MPPE1: variants seen among roughly 807,000 people sequenced by gnomAD.
MPPE1 encodes the protein metallo phosphoesterase.
A neutral mutation model predicts 43.8 loss-of-function variants in MPPE1; 28 were observed. That is an observed-to-expected ratio of 0.64 (90% CI 0.47 to 0.88). The LOEUF is 0.88. Among genes scored for constraint, MPPE1 ranks in the 40% least tolerant of loss-of-function variants. The pLI is 0.00. For synonymous variants in MPPE1, 159 were observed against 188.5 expected, an observed-to-expected ratio of 0.84 and a Z score of 1.28; for missense variants, 428 against 492.2, an observed-to-expected ratio of 0.87 and a Z score of 1.23.
intron 2 of MPPE1, among the ~76,000 whole-genome samples, chr18:11,904,319 ATTTATTTT>A (rs2039495968): frequency 2.5e-5 from 2 of 79,712 alleles, no homozygotes; most frequent in African/African-American, 1.2e-4. Context: ...TTATTTATTT[ATTTATTTT>A]TTTTTGAGAC....
At chr18:11,900,722 A>G (rs555837799) in intron 2 of MPPE1, among the ~76,000 whole-genome samples, 339 of 151,964 alleles carry the variant, frequency 2.2e-3, no homozygotes, top group African/African-American at 7.6e-3. Context: ...CCTGGCTAAC[A>G]CGGTGAAACC....
intron 2 of MPPE1, among the ~76,000 whole-genome samples, chr18:11,899,201 C>T (rs1240039327): frequency 6.6e-6 from 1 of 152,188 alleles, no homozygotes; most frequent in African/African-American, 2.4e-5. Context: ...AGGCATGAGC[C>T]ACCGTGCCCA....
chr18:11,902,600 G>A (rs1266348064), intron 2 of MPPE1: 3 of 152,158 alleles, frequency 2.0e-5, no homozygotes, highest in Admixed American at 6.5e-5. Context: ...GGGGCAGGCT[G>A]AGGAGTCTTC....
intron 2 of MPPE1, 70 bp from the exon 3 acceptor site, chr18:11,897,426 G>T: frequency 1.6e-6 from 1 of 632,886 alleles, no homozygotes; most frequent in Non-Finnish European, 2.8e-6. Flanking sequence ...CCTCTATTAA[G>T]AACTAATGAG....
At chr18:11,901,171 G>C (rs2039157991) in intron 2 of MPPE1, among the ~76,000 whole-genome samples, 1 of 152,048 alleles carries the variant, frequency 6.6e-6, no homozygotes, top group African/African-American at 2.4e-5. Context: ...ATTGGGGACT[G>C]TCATTCCTCT....
chr18:11,893,352 G>T, intron 4 of MPPE1, 116 bp downstream of exon 4: 1 of 662,940 alleles, frequency 1.5e-6, no homozygotes, highest in Non-Finnish European at 2.7e-6. Context: ...AATATCAGTA[G>T]TAAGTACAAC....
chr18:11,885,674 A>T lies in MPPE1; in HGVS notation c.1008+2T>A. 1 of 1,611,494 alleles carries T rather than the reference A, an allele frequency of 6.2e-7. No homozygotes were observed. ...TCAGACAAAAATAAACTTTCACGTT[A>T]CCATGATGAAACTGGGGTTGTTTCT... On this transcript the variant is annotated splice_donor_variant, in intron 10 of 10. Transcript: ENST00000588072. LOFTEE classifies it high-confidence loss of function.
chr18:11,893,636 G>GT, intron 3 of MPPE1, 60 bp from the exon 4 acceptor site: 4 of 1,349,734 alleles, frequency 3.0e-6, no homozygotes, highest in Non-Finnish European at 4.2e-6. Flanking sequence ...GGCTACTTCT[G>GT]TATTATGCAC....
intron 2 of MPPE1, chr18:11,905,557 C>T (rs980964480): frequency 2.0e-5 from 3 of 152,200 alleles, no homozygotes; most frequent in African/African-American, 7.2e-5. Flanking sequence ...TGAGGCTTCA[C>T]TCCTACCGGA....
chr18:11,907,798 C>G (rs2039868538), intron 1 of MPPE1: 1 of 151,994 alleles, frequency 6.6e-6, no homozygotes. Flanking sequence ...CAGGCCTAAG[C>G]AACGGCACCC....
chr18:11,894,182 A>T (rs1234218226), intron 3 of MPPE1, among the ~76,000 whole-genome samples: 2 of 152,156 alleles, frequency 1.3e-5, no homozygotes, highest in African/African-American at 4.8e-5. Context: ...TAATCCCAGC[A>T]CTTTGGGAGG....
rs746910403 is a variant in MPPE1 at position 11,886,901 on chromosome 18, T to C, written c.678+16A>G. 1.1e-5 allele frequency: 18 copies of C among 1,603,290 alleles called. No individual in the cohort carries two copies. The highest frequency in any genetic ancestry group is 1.5e-5 in the Non-Finnish European group (18 of 1,171,838). ...ACGGGACAGAAGGCACCTGTGGCAT[T>C]CAGATGCTCTCCTACCTCTCGGGAG... On this transcript the variant is annotated intron_variant, in intron 7 of 10. Transcript: ENST00000588072. This position sits in a 1 kb window ranked among gnomAD's most constrained non-coding sequence, Gnocchi z 4.1.
rs1182146639 is a variant in MPPE1, at chr18:11,883,399, A to C, written c.*1046T>G. On this transcript the variant is annotated 3_prime_UTR_variant, in exon 11 of 11. Coordinates refer to ENST00000588072, the MANE Select transcript of MPPE1 (RefSeq NM_023075.6). ...ATCATTACTCAACAATTACCCTCTA[A>C]CTAAACATCCTGTTTAAGAGTTTAA... is the stretch of plus-strand genomic sequence containing the variant. 6.5e-6 allele frequency: 1 copy of C among 153,328 alleles called. No homozygotes were observed. Among genetic ancestry groups the C allele is most frequent in the Non-Finnish European group, 1.5e-5 (1 of 68,034 alleles). 9.5% of individuals were successfully genotyped at this position (153,328 alleles called of 1,614,324 possible).
chr18:11,885,949 G>T, intron 9 of MPPE1, 133 bp from the exon 10 acceptor site: 3 of 917,906 alleles, frequency 3.3e-6, no homozygotes, highest in Middle Eastern at 2.4e-4. Flanking sequence ...TTGAAGGACT[G>T]GTTTATTTTT....
Position 11,886,643 on chromosome 18 carries a change from G to A in MPPE1, c.745-22C>T. On this transcript the variant is annotated intron_variant, in intron 8 of 10. Transcript: ENST00000588072. The surrounding 1 kb of genome is among the most constrained non-coding windows in gnomAD (Gnocchi z 4.1). ...AATGCTGTCCGGGGTGGAGAGAGGA[G>A]TTCAGGCGGCTATCGTGAAACCACA... 1.9e-6 allele frequency: 3 copies of A among 1,614,138 alleles called. No individual in the cohort carries two copies. The highest frequency in any genetic ancestry group is 1.7e-6 in the Non-Finnish European group (2 of 1,180,046).
chr18:11,900,465 C>T (rs1428129635), intron 2 of MPPE1, among the ~76,000 whole-genome samples: 1 of 151,990 alleles, frequency 6.6e-6, no homozygotes, highest in Non-Finnish European at 1.5e-5. Context: ...GAGATCATGC[C>T]ATTGCACTCC....
At chr18:11,888,064 G>T (rs1367467692) in intron 6 of MPPE1, among the ~76,000 whole-genome samples, 1 of 152,194 alleles carries the variant, frequency 6.6e-6, no homozygotes, top group East Asian at 1.9e-4. Flanking sequence ...AATCAGTATA[G>T]AGTATAGAGT....
At chr18:11,895,597 G>A (rs1347950107) in intron 3 of MPPE1, among the ~76,000 whole-genome samples, 1 of 151,368 alleles carries the variant, frequency 6.6e-6, no homozygotes, top group Non-Finnish European at 1.5e-5. Context: ...GGACTGCAGT[G>A]CCATGGTCAT....
chr18:11,884,562 C>A lies in MPPE1; in HGVS notation c.1074G>T (p.Leu358Phe), dbSNP rs373575076. ...KCYLPREDVV[L>F]IIYCGVVGFL... ...AGCCCACCACTCCACAGTAGATGATCAAAACCACATCCTCACGTGGGAGGT... is the reference window on the plus strand; with the variant it reads ...AGCCCACCACTCCACAGTAGATGATAAAAACCACATCCTCACGTGGGAGGT... The change falls in exon 11 of 11, where the codon TTG (leucine) becomes TTT (phenylalanine). Residue 358 changes from leucine to phenylalanine, a missense_variant. Transcript: ENST00000588072. The A allele has an allele frequency of 2.5e-6, 4 of 1,614,024 alleles. No homozygotes were observed. The highest frequency in any genetic ancestry group is 3.4e-6 in the Non-Finnish European group (4 of 1,180,036).
Sources: allele counts gnomAD v4.1 joint callset (sites outside exome capture counted in the v4.1 genomes callset), GRCh38; gene constraint gnomAD v4.1.1; non-coding constraint Gnocchi (gnomAD v3.1); transcripts MANE v1.5; gene names NCBI Gene and HGNC (gene_info 2026-07-23, HGNC 2026-07-21).